Variants in RUNX1 observed in about 807,000 individuals in gnomAD.
RUNX1 encodes RUNX family transcription factor 1.
A neutral mutation model predicts 42.8 loss-of-function variants in RUNX1; 19 were observed. The observed-to-expected ratio is 0.44, with a 90% confidence interval of 0.31 to 0.65. RUNX1 has a LOEUF of 0.65. Among genes scored for constraint, RUNX1 ranks in the 30% least tolerant of loss-of-function variants. The pLI, the probability that RUNX1 is intolerant of heterozygous loss-of-function variation, is 0.07. For missense variants in RUNX1, 528 were observed against 672.0 expected, an observed-to-expected ratio of 0.79 and a Z score of 2.37; for synonymous variants, 271 against 289.4, an observed-to-expected ratio of 0.94 and a Z score of 0.64.
At chr21:35,028,864 AT>A (rs1258535978) in intron 2 of RUNX1, among the ~76,000 whole-genome samples, 1 of 152,220 alleles carries the variant, frequency 6.6e-6, no homozygotes, top group Non-Finnish European at 1.5e-5. Flanking sequence ...GGGAAGAGAA[AT>A]GGGGTAGTGG....
chr21:34,913,644 G>T (rs549283077), intron 2 of RUNX1, among the ~76,000 whole-genome samples: 4 of 152,282 alleles, frequency 2.6e-5, no homozygotes, highest in Non-Finnish European at 5.9e-5. Flanking sequence ...TTTCAATCTG[G>T]GGTGGGCATG....
Position 34,792,552 on chromosome 21 carries a change from G to A in RUNX1, c.1026C>T (p.Ile342=), listed in dbSNP as rs2145877755. The part of the protein sequence containing the change: ...DPRQFPALPS[I]SDPRMHYPGA... ...CTGGATAGTGCATGCGGGGGTCGGA[G>A]ATGGAGGGCAGCGCGGGGAACTGGC... The change falls in exon 9 of 9, where the codon ATC becomes ATT. Residue 342 remains isoleucine, a synonymous_variant. Coordinates refer to ENST00000675419, the MANE Select transcript of RUNX1 (RefSeq NM_001754.5). This position sits in a 1 kb window ranked among gnomAD's most constrained non-coding sequence, Gnocchi z 6.9. 1 of 1,607,248 alleles carries A rather than the reference G, an allele frequency of 6.2e-7. No homozygotes were observed. Among genetic ancestry groups the A allele is most frequent in the Non-Finnish European group, 8.5e-7 (1 of 1,177,072 alleles).
intron 6 of RUNX1, among the ~76,000 whole-genome samples, chr21:34,854,251 A>T (rs1440439680): frequency 6.6e-6 from 1 of 152,248 alleles, no homozygotes; most frequent in Non-Finnish European, 1.5e-5. Context: ...CTCATATGAC[A>T]TGATCTCAAC....
At chr21:35,010,410 T>C (rs1034623073) in intron 2 of RUNX1, among the ~76,000 whole-genome samples, 3 of 152,100 alleles carry the variant, frequency 2.0e-5, no homozygotes, top group Non-Finnish European at 4.4e-5. Flanking sequence ...ACCTGACAAT[T>C]AGGTGCTCTG....
At position 35,034,260 on chromosome 21, in the gene RUNX1, G is replaced by A. The variant is rs575358872; in HGVS notation, c.58+14582C>T. ...AACAGAGATGGCAAGCCTTTGTTGC[G>A]CCAGCAGGCCAGAGTCATGGCTGCC... On this transcript the variant is annotated intron_variant, in intron 2 of 8. Coordinates refer to ENST00000675419, the MANE Select transcript of RUNX1 (RefSeq NM_001754.5). 8.6e-5 allele frequency among the ~76,000 whole-genome samples: 13 copies of A among 152,002 alleles called. No homozygotes were observed. In the East Asian group the frequency reaches 1.7e-3, roughly 20 times the overall value.
chr21:35,014,722 C>T (rs551075512), intron 2 of RUNX1, among the ~76,000 whole-genome samples: 3 of 152,346 alleles, frequency 2.0e-5, no homozygotes, highest in African/African-American at 7.2e-5. Flanking sequence ...ACTGCCAGGG[C>T]GTCCTCAGAG....
chr21:34,893,808 G>T (rs549623092), intron 2 of RUNX1, among the ~76,000 whole-genome samples: 3 of 151,236 alleles, frequency 2.0e-5, no homozygotes, highest in African/African-American at 7.3e-5. Flanking sequence ...AAAATAAGAG[G>T]AGACAATTAC....
At chr21:34,793,215 CAGG>C (rs2056475100) in intron 8 of RUNX1, among the ~76,000 whole-genome samples, 1 of 151,468 alleles carries the variant, frequency 6.6e-6, no homozygotes, top group African/African-American at 2.4e-5. Flanking sequence ...ATGCTATGCC[CAGG>C]AGGACGGGGA....
At chr21:34,984,387 T>A (rs994748858) in intron 2 of RUNX1, among the ~76,000 whole-genome samples, 1 of 152,026 alleles carries the variant, frequency 6.6e-6, no homozygotes, top group Non-Finnish European at 1.5e-5. Flanking sequence ...AGTATGTCAT[T>A]GTGCACCAGA....
At position 35,020,535 on chromosome 21, in the gene RUNX1, A is replaced by G. The variant is rs923165849; in HGVS notation, c.58+28307T>C. On this transcript the variant is annotated intron_variant, in intron 2 of 8. Coordinates refer to ENST00000675419, the MANE Select transcript of RUNX1 (RefSeq NM_001754.5). ...AGTAGAAGGCAATGAGACCCGAAAG[A>G]GTTTGGCTTATGCAAAGGAATTTCC... Among the ~76,000 whole-genome samples, 5 of 152,270 alleles carry G rather than the reference A, an allele frequency of 3.3e-5. No individual in the cohort carries two copies. The East Asian group carries it at 9.7e-4, about 29-fold the overall frequency.
intron 2 of RUNX1, among the ~76,000 whole-genome samples, chr21:34,950,791 G>A (rs188785133): frequency 6.6e-6 from 1 of 152,198 alleles, no homozygotes. Flanking sequence ...GAGAGGATAT[G>A]TGGTAGGCAG....
At chr21:34,966,661 T>A (rs193135702) in intron 2 of RUNX1, among the ~76,000 whole-genome samples, 90 of 152,356 alleles carry the variant, frequency 5.9e-4, no homozygotes, top group Middle Eastern at 6.8e-3. Context: ...AAGGATCAGA[T>A]AATTGATCTG....
chr21:35,038,953 G>A, intron 2 of RUNX1: 1 of 344,098 alleles, frequency 2.9e-6, no homozygotes, highest in Non-Finnish European at 5.8e-6. Flanking sequence ...GAGCCAGGTG[G>A]GCAGGCACAT....
chr21:35,048,581 C>CT (rs2059417183), intron 2 of RUNX1, among the ~76,000 whole-genome samples: 1 of 152,226 alleles, frequency 6.6e-6, no homozygotes, highest in Non-Finnish European at 1.5e-5. Context: ...CTTACTCGCA[C>CT]TTGACAAAGT....
rs201490575 is a variant in RUNX1, at chr21:35,048,864, C to T, written c.36G>A (p.Ser12=). Residue 12 remains serine (S), a synonymous_variant, in exon 2 of 9, where the codon TCG becomes TCA. Transcript: ENST00000675419. ...CACCTCTCATGAAGCACTGTGGGTA[C>T]GAAGGAAATGACTCAAATATGCTGT... ...ASDSIFESFP[S]YPQCFMRECI... The T allele has an allele frequency of 4.5e-5, 73 of 1,613,954 alleles. No individual in the cohort carries two copies. The highest frequency in any genetic ancestry group is 1.6e-4 in the Middle Eastern group (1 of 6,062).
chr21:34,987,673 A>G (rs1303468591), intron 2 of RUNX1, among the ~76,000 whole-genome samples: 2 of 152,128 alleles, frequency 1.3e-5, no homozygotes, highest in Non-Finnish European at 2.9e-5. Flanking sequence ...AAAACCAAAG[A>G]GGGGGAAAAA....
chr21:34,963,716 T>C (rs2058697867), intron 2 of RUNX1, among the ~76,000 whole-genome samples: 1 of 152,088 alleles, frequency 6.6e-6, no homozygotes, highest in South Asian at 2.1e-4. Flanking sequence ...AGACAAGATG[T>C]GGATTTTGAC....
intron 7 of RUNX1, among the ~76,000 whole-genome samples, chr21:34,829,657 G>T (rs1245883442): frequency 2.6e-5 from 4 of 152,194 alleles, no homozygotes; most frequent in African/African-American, 9.6e-5. Context: ...ATGTTACTTT[G>T]TGTAACCATT....
At chr21:34,797,355 G>A (rs376487755) in intron 8 of RUNX1, among the ~76,000 whole-genome samples, 6 of 152,182 alleles carry the variant, frequency 3.9e-5, no homozygotes, top group African/African-American at 1.4e-4. Flanking sequence ...ATGGGACTTT[G>A]GAGTGCACAT....
Sources: allele counts gnomAD v4.1 joint callset (sites outside exome capture counted in the v4.1 genomes callset), GRCh38; gene constraint gnomAD v4.1.1; non-coding constraint Gnocchi (gnomAD v3.1); transcripts MANE v1.5; gene names NCBI Gene and HGNC (gene_info 2026-07-23, HGNC 2026-07-21).